Variants in PHF2 observed in about 807,000 individuals in gnomAD.
PHF2 encodes the protein lysine-specific demethylase PHF2.
PHF2 carries 27 observed loss-of-function variants against 120.5 expected under a neutral mutation model. The observed-to-expected ratio is 0.22, with a 90% CI of 0.17 to 0.31. The LOEUF (loss-of-function observed/expected upper bound fraction) is 0.31. Ranked by LOEUF, PHF2 falls within the 10% of genes least tolerant of loss-of-function variation. The pLI is 1.00. For missense variants in PHF2, 1,024 were observed against 1,434.8 expected (o/e 0.71, Z 4.63); for synonymous variants, 568 against 592.5 (o/e 0.96, Z 0.60).
chr9:93,660,359 G>T lies in PHF2; in HGVS notation c.1497G>T (p.Met499Ile). 3 of 1,593,572 alleles carry T rather than the reference G, an allele frequency of 1.9e-6. No individual in the cohort carries two copies. Among genetic ancestry groups the T allele is most frequent in the South Asian group, 2.3e-5 (2 of 88,206 alleles). Residue 499 changes from methionine (M) to isoleucine (I), a missense_variant, in exon 12 of 22, where the codon ATG (methionine) becomes ATT (isoleucine). Met to Ile is a conservative substitution (Grantham distance 10). This residue lies in a region of PHF2 where 677 missense variants were observed against 857.4 expected (regional missense o/e 0.79). Coordinates refer to ENST00000359246, the MANE Select transcript of PHF2 (RefSeq NM_005392.4). ...AAAAGACTCCCAAAACTGTGAAGAT[G>T]CCCAAGCCATCCAAAATCCCCAAGC... ...SKKKTPKTVK[M>I]PKPSKIPKPP...
At position 93,576,741 on chromosome 9, in the gene PHF2, C is replaced by A; in HGVS notation, c.-33C>A. On this transcript the variant is annotated 5_prime_UTR_variant, in exon 1 of 22. Coordinates refer to ENST00000359246, the MANE Select transcript of PHF2 (RefSeq NM_005392.4). ...GCCCGGACCGACCCGGGCAGCGCAGCGGCGGGGCCGAGCGGCGGCGCGGCG... is the reference window on the plus strand; with the variant it reads ...GCCCGGACCGACCCGGGCAGCGCAGAGGCGGGGCCGAGCGGCGGCGCGGCG... 9.0e-7 allele frequency: 1 copy of A among 1,105,410 alleles called. No homozygotes were observed. Among genetic ancestry groups the A allele is most frequent in the Non-Finnish European group, 1.1e-6 (1 of 875,962 alleles). The allele number at this position is 1,105,410 out of a possible 1,614,324, so 68.5% of individuals were successfully genotyped here.
At chr9:93,647,381 CTGT>C (rs1351867980) in intron 4 of PHF2, among the ~76,000 whole-genome samples, 3 of 152,220 alleles carry the variant, frequency 2.0e-5, no homozygotes, top group African/African-American at 7.2e-5. Context: ...CCCTCCACAG[CTGT>C]CCCTGCAGAA....
chr9:93,616,272 A>G (rs545237880), intron 1 of PHF2, among the ~76,000 whole-genome samples: 23 of 152,306 alleles, frequency 1.5e-4, no homozygotes, highest in Non-Finnish European at 2.8e-4. Flanking sequence ...TTGTGTGCAT[A>G]TGTACATTTT....
At chr9:93,666,198 C>T (rs367786287) in intron 16 of PHF2, 138 bp downstream of exon 16, 1 of 715,518 alleles carries the variant, frequency 1.4e-6, no homozygotes, top group Non-Finnish European at 2.3e-6. Flanking sequence ...ACCCTCACCC[C>T]ACCCTTTCAT....
At chr9:93,604,527 C>T (rs1284228991) in intron 1 of PHF2, among the ~76,000 whole-genome samples, 9 of 150,790 alleles carry the variant, frequency 6.0e-5, no homozygotes, top group Admixed American at 4.6e-4. Flanking sequence ...TGCAGTGGCG[C>T]GATCTCGGCT....
intron 1 of PHF2, among the ~76,000 whole-genome samples, chr9:93,601,329 A>T (rs1825435041): frequency 1.3e-5 from 2 of 152,200 alleles, no homozygotes; most frequent in South Asian, 4.1e-4. Flanking sequence ...GGGACATTGT[A>T]AGTAGCATAA....
intron 1 of PHF2, among the ~76,000 whole-genome samples, chr9:93,600,744 C>T (rs75678521): frequency 0.13 from 20,476 of 152,196 alleles, 1,406 homozygotes; most frequent in East Asian, 0.2. Flanking sequence ...GCCCAAGCAG[C>T]CACACCCAGA....
chr9:93,658,307 A>G (rs1027398867), intron 10 of PHF2, 71 bp downstream of exon 10: 6 of 1,126,886 alleles, frequency 5.3e-6, no homozygotes, highest in Non-Finnish European at 5.3e-6. Context: ...CTGGAGACCC[A>G]GCAGCAATGT....
intron 1 of PHF2, among the ~76,000 whole-genome samples, chr9:93,594,270 C>T (rs1825290291): frequency 6.6e-6 from 1 of 152,094 alleles, no homozygotes; most frequent in Non-Finnish European, 1.5e-5. Context: ...TACCCGAGGG[C>T]CCCTGTGGGT....
intron 4 of PHF2, among the ~76,000 whole-genome samples, chr9:93,647,997 C>G (rs573785943): frequency 6.6e-6 from 1 of 152,272 alleles, no homozygotes; most frequent in African/African-American, 2.4e-5. Context: ...TCATCGCACT[C>G]GATAATATTA....
chr9:93,584,996 G>A (rs980013127), intron 1 of PHF2, among the ~76,000 whole-genome samples: 1 of 152,214 alleles, frequency 6.6e-6, no homozygotes, highest in Admixed American at 6.5e-5. Flanking sequence ...GGACGCTATG[G>A]TAAGTGGTAT....
chr9:93,658,285 G>T, intron 10 of PHF2, 49 bp downstream of exon 10: 2 of 1,408,598 alleles, frequency 1.4e-6, no homozygotes, highest in Non-Finnish European at 1.0e-6. Context: ...AGTGACAGGC[G>T]GGAGGACCTC....
At chr9:93,585,909 G>A (rs1863034470) in intron 1 of PHF2, among the ~76,000 whole-genome samples, 1 of 152,256 alleles carries the variant, frequency 6.6e-6, no homozygotes, top group Admixed American at 6.5e-5. Flanking sequence ...GCAGCGTCAA[G>A]TGGAGCTTGA....
chr9:93,662,863 G>A, intron 12 of PHF2, 44 bp from the exon 13 acceptor site: 1 of 1,609,694 alleles, frequency 6.2e-7, no homozygotes, highest in Non-Finnish European at 8.5e-7. Context: ...AGTTCCACCA[G>A]CCCTCTATGT....
At chr9:93,663,066 G>A in intron 13 of PHF2, 40 bp downstream of exon 13, 2 of 1,612,522 alleles carry the variant, frequency 1.2e-6, no homozygotes, top group African/African-American at 1.3e-5. Flanking sequence ...GTGTGTGTCA[G>A]CTTGGTGAGT....
At chr9:93,598,352 A>G (rs1232441375) in intron 1 of PHF2, among the ~76,000 whole-genome samples, 2 of 152,198 alleles carry the variant, frequency 1.3e-5, no homozygotes, top group Admixed American at 1.3e-4. Flanking sequence ...TGCGCTTATC[A>G]TCAGGACCTT....
At position 93,667,106 on chromosome 9, in the gene PHF2, G is replaced by A. The variant is rs79708182; in HGVS notation, c.2214G>A (p.Ser738=). ...GTGATGACTCCTCGGACGAGGGTTC[G>A]CTGCACATCGACACAGACACCAAGC... The part of the protein sequence containing the change: ...YKSDDSSDEG[S]LHIDTDTKPG... Residue 738 remains serine (S), a synonymous_variant, in exon 17 of 22, where the codon TCG becomes TCA. Transcript: ENST00000359246. 1.9e-3 allele frequency: 3,030 copies of A among 1,613,050 alleles called. 68 individuals are homozygous for A. The African/African-American group carries it at 0.035, about 18-fold the overall frequency.
chr9:93,593,105 A>AAAAAAAGG (rs1554790888), intron 1 of PHF2, among the ~76,000 whole-genome samples: 3,974 of 122,490 alleles, frequency 0.032, 492 homozygotes, highest in African/African-American at 0.13. Context: ...AAAAAAAAAA[A>AAAAAAAGG]AAAAAAGAAA....
At chr9:93,633,856 T>G (rs996908393) in intron 2 of PHF2, among the ~76,000 whole-genome samples, 2 of 152,066 alleles carry the variant, frequency 1.3e-5, no homozygotes, top group Middle Eastern at 3.4e-3. Flanking sequence ...CTGGCTCCCC[T>G]CCGTGGCACC....
Sources: allele counts gnomAD v4.1 joint callset (sites outside exome capture counted in the v4.1 genomes callset), GRCh38; gene constraint gnomAD v4.1.1; regional missense constraint gnomAD v4.1.1; transcripts MANE v1.5; gene names NCBI Gene and HGNC (gene_info 2026-07-23, HGNC 2026-07-21).